SLC9C1: variants seen among roughly 807,000 people sequenced by gnomAD.
SLC9C1 encodes the protein solute carrier family 9 member C1.
A neutral mutation model predicts 140.9 loss-of-function variants in SLC9C1; 97 were observed. That is an observed-to-expected ratio of 0.69 (90% CI 0.58 to 0.82). SLC9C1 has a LOEUF of 0.82. Ranked by LOEUF, SLC9C1 falls within the 40% of genes least tolerant of loss-of-function variation. The probability of loss-of-function intolerance (pLI) is 0.00; values close to 1 mark genes in which losing one functional copy is unlikely to be tolerated. For synonymous variants in SLC9C1, 440 were observed against 442.6 expected (o/e 0.99, Z 0.07); for missense variants, 1,340 against 1,389.3 (o/e 0.96, Z 0.56).
intron 10 of SLC9C1, among the ~76,000 whole-genome samples, chr3:112,254,371 T>C (rs1186536638): frequency 6.6e-6 from 1 of 152,112 alleles, no homozygotes; most frequent in Non-Finnish European, 1.5e-5. Flanking sequence ...AGGAACCCCA[T>C]CAGGCTAACA....
rs569190530 is a variant in SLC9C1 at position 112,210,870 on chromosome 3, TA to T, written c.1791-2498del. On this transcript the variant is annotated intron_variant, in intron 15 of 28. Coordinates refer to ENST00000305815, the MANE Select transcript of SLC9C1 (RefSeq NM_183061.3). ...TTGTAAAGACAGGAAAAAAACCCTT[TA>T]TTTTTTTTAAAAATAAAAAATTAAA... Among the ~76,000 whole-genome samples, 47 of 152,260 alleles carry T rather than the reference TA, an allele frequency of 3.1e-4. 1 individual carries two copies. The highest frequency in any genetic ancestry group is 5.3e-4 in the Non-Finnish European group (36 of 68,024).
At chr3:112,215,698 A>G (rs1373608681) in intron 15 of SLC9C1, among the ~76,000 whole-genome samples, 1 of 152,230 alleles carries the variant, frequency 6.6e-6, no homozygotes, top group Admixed American at 6.5e-5. Flanking sequence ...GCTCAACAAA[A>G]TAAATGAGGA....
chr3:112,156,362 C>T (rs1576220781), intron 26 of SLC9C1, among the ~76,000 whole-genome samples: 1 of 151,920 alleles, frequency 6.6e-6, no homozygotes, highest in South Asian at 2.1e-4. Context: ...AGATAATATT[C>T]CATTGTGTAT....
intron 20 of SLC9C1, among the ~76,000 whole-genome samples, chr3:112,188,562 A>T (rs1301318679): frequency 6.6e-6 from 1 of 152,210 alleles, no homozygotes; most frequent in Non-Finnish European, 1.5e-5. Flanking sequence ...AAAGGACATG[A>T]ACTCATCCTT....
intron 10 of SLC9C1, among the ~76,000 whole-genome samples, chr3:112,257,337 G>C (rs1425390625): frequency 6.6e-6 from 1 of 152,046 alleles, no homozygotes; most frequent in Non-Finnish European, 1.5e-5. Context: ...CATGGGTACT[G>C]GTACAAAAAC....
chr3:112,209,523 G>A (rs200081289), intron 15 of SLC9C1, among the ~76,000 whole-genome samples: 1 of 146,186 alleles, frequency 6.8e-6, no homozygotes, highest in Admixed American at 6.9e-5. Flanking sequence ...AGAAAAAAAA[G>A]AAATTCCAAT....
chr3:112,286,304 T>C (rs1346645655), intron 2 of SLC9C1, among the ~76,000 whole-genome samples: 2 of 152,184 alleles, frequency 1.3e-5, no homozygotes, highest in African/African-American at 4.8e-5. Flanking sequence ...GTGCAAAAAG[T>C]GTTTTCTTTT....
chr3:112,258,657 A>C (rs568901555), intron 10 of SLC9C1, among the ~76,000 whole-genome samples: 14 of 152,214 alleles, frequency 9.2e-5, no homozygotes, highest in Admixed American at 3.3e-4. Flanking sequence ...ACAGGGTTTC[A>C]TCATGTTGGC....
In SLC9C1 at chr3:112,202,276, T is replaced by C. The variant is rs1303219399; in HGVS notation, c.2296A>G (p.Ile766Val). The change falls in exon 18 of 29, where the codon ATT becomes GTT. Residue 766 changes from isoleucine (I) to valine (V), a missense_variant. Ile to Val is a conservative substitution (Grantham distance 29). Coordinates refer to ENST00000305815, the MANE Select transcript of SLC9C1 (RefSeq NM_183061.3). ...TGTTTAATCTGTTTAGAACTTGTAA[T>C]CTGATCAATTATGGTCATTATGTCT... ...EADIMTIIDQ[I>V]TSSKQIKQML... 2 of 1,611,092 alleles carry C rather than the reference T, an allele frequency of 1.2e-6. No homozygotes were observed. The highest frequency in any genetic ancestry group is 4.5e-5 in the East Asian group (2 of 44,802).
At chr3:112,245,070 T>A (rs2079242536) in intron 10 of SLC9C1, among the ~76,000 whole-genome samples, 1 of 152,270 alleles carries the variant, frequency 6.6e-6, no homozygotes, top group African/African-American at 2.4e-5. Context: ...ATTTCTCTAA[T>A]GCTCCTTCCT....
intron 2 of SLC9C1, among the ~76,000 whole-genome samples, chr3:112,286,202 T>C (rs758264103): frequency 9.2e-5 from 14 of 152,348 alleles, no homozygotes; most frequent in African/African-American, 3.4e-4. Context: ...GTATTATTGT[T>C]TTAAAAGTGC....
At chr3:112,179,079 A>G (rs568853601) in intron 23 of SLC9C1, among the ~76,000 whole-genome samples, 96 of 152,282 alleles carry the variant, frequency 6.3e-4, no homozygotes, top group African/African-American at 2.2e-3. Flanking sequence ...AATTATTTGC[A>G]GTCATTATTC....
At chr3:112,286,197 A>G (rs2080502937) in intron 2 of SLC9C1, among the ~76,000 whole-genome samples, 1 of 152,200 alleles carries the variant, frequency 6.6e-6, no homozygotes, top group Non-Finnish European at 1.5e-5. Flanking sequence ...TTTGTGTATT[A>G]TTGTTTTAAA....
intron 26 of SLC9C1, among the ~76,000 whole-genome samples, chr3:112,160,651 T>C (rs79726160): frequency 0.23 from 34,586 of 150,824 alleles, 4,873 homozygotes; most frequent in Non-Finnish European, 0.33. Flanking sequence ...TGCCACATTT[T>C]CTTAATCCAG....
At chr3:112,293,213 T>C (rs985658711) in intron 1 of SLC9C1, among the ~76,000 whole-genome samples, 2 of 151,896 alleles carry the variant, frequency 1.3e-5, no homozygotes, top group African/African-American at 2.4e-5. Context: ...GAGGCAGAGA[T>C]TGCAGTGAGC....
intron 10 of SLC9C1, among the ~76,000 whole-genome samples, chr3:112,252,946 G>A (rs998917595): frequency 3.9e-5 from 6 of 152,118 alleles, no homozygotes; most frequent in Non-Finnish European, 7.3e-5. Context: ...AAAGGGAGGG[G>A]GAGGAGCAGG....
At chr3:112,169,393 TTTTG>T (rs1178379746) in intron 23 of SLC9C1, 65 bp from the exon 24 acceptor site, 11 of 1,494,328 alleles carry the variant, frequency 7.4e-6, no homozygotes, top group Non-Finnish European at 9.9e-6. Context: ...AATAAAGTTT[TTTTG>T]TTTATGTACA....
chr3:112,195,696 T>C (rs950848164), intron 20 of SLC9C1, among the ~76,000 whole-genome samples: 3 of 152,142 alleles, frequency 2.0e-5, no homozygotes, highest in African/African-American at 7.2e-5. Flanking sequence ...AATTTGAATT[T>C]ATACAAACTT....
intron 11 of SLC9C1, among the ~76,000 whole-genome samples, chr3:112,240,236 T>C (rs1467409379): frequency 6.6e-6 from 1 of 152,268 alleles, no homozygotes; most frequent in African/African-American, 2.4e-5. Context: ...GAGTGCTTAC[T>C]ATATTCTGCA....
Sources: gnomAD v4.1 joint callset for allele counts (sites outside exome capture counted in the v4.1 genomes callset) on GRCh38, gnomAD v4.1.1 for gene constraint, MANE v1.5 for transcripts, NCBI Gene and HGNC (gene_info 2026-07-23, HGNC 2026-07-21) for gene names.